The following SAXO1 variants were observed in gnomAD, a reference collection of about 807,000 sequenced individuals.
SAXO1 encodes 4930500O09Rik.
A neutral mutation model predicts 17.5 loss-of-function variants in SAXO1; 21 were observed. The observed-to-expected ratio is 1.20, with a 90% CI of 0.85 to 1.72. SAXO1 has a LOEUF of 1.72. Ranked by LOEUF, SAXO1 falls within the 40% of genes most tolerant of loss-of-function variation. SAXO1 has a pLI of 0.00. For missense variants in SAXO1, 843 were observed against 596.0 expected (o/e 1.41, Z -4.32); for synonymous variants, 274 against 216.5 (o/e 1.27, Z -2.33).
intron 1 of SAXO1, among the ~76,000 whole-genome samples, chr9:18,956,448 A>T (rs1484171993): frequency 1.3e-5 from 2 of 152,138 alleles, no homozygotes; most frequent in African/African-American, 4.8e-5. Context: ...TAGGATACTT[A>T]TGACTTGTCT....
chr9:19,002,691 C>T (rs1284624956), intron 1 of SAXO1, among the ~76,000 whole-genome samples: 2 of 152,168 alleles, frequency 1.3e-5, no homozygotes, highest in Non-Finnish European at 2.9e-5. Context: ...TAAAATTCAA[C>T]ACCCCTTCAT....
chr9:18,946,820 A>C (rs1224532707), intron 2 of SAXO1, among the ~76,000 whole-genome samples: 1 of 152,216 alleles, frequency 6.6e-6, no homozygotes, highest in African/African-American at 2.4e-5. Flanking sequence ...ATATAAAACA[A>C]GAATCAAATG....
Position 18,928,420 on chromosome 9 carries a change from C to T in SAXO1, c.1057G>A (p.Glu353Lys). ...DYKQWSSMRT[E>K]PVKPVPQLDL... The stretch of plus-strand genomic sequence containing the variant: ...AGCTGGGGAACGGGCTTGACTGGCT[C>T]TGTGCGCATGCTGGACCACTGCTTG... The change falls in exon 4 of 4, where the codon GAG (glutamate) becomes AAG (lysine). Residue 353 changes from glutamate (E) to lysine (K), a missense_variant. Glu to Lys is a moderately conservative substitution (Grantham distance 56). Transcript: ENST00000380534. 2 of 1,608,914 alleles carry T rather than the reference C, an allele frequency of 1.2e-6. No individual in the cohort carries two copies. Among genetic ancestry groups the T allele is most frequent in the Non-Finnish European group, 1.7e-6 (2 of 1,177,020 alleles).
At chr9:18,931,920 G>A (rs966984419) in intron 3 of SAXO1, among the ~76,000 whole-genome samples, 1 of 152,022 alleles carries the variant, frequency 6.6e-6, no homozygotes, top group East Asian at 1.9e-4. Context: ...TCTTACACCA[G>A]GTATGTGATT....
chr9:18,970,588 T>C (rs7859079), intron 1 of SAXO1, among the ~76,000 whole-genome samples: 5,488 of 152,218 alleles, frequency 0.036, 331 homozygotes, highest in African/African-American at 0.12. Flanking sequence ...CCCAAATCTA[T>C]CTACACGCAT....
At chr9:19,003,511 AACCAAAACAGCATGGTACTTGT>A (rs1296833049) in intron 1 of SAXO1, among the ~76,000 whole-genome samples, 11 of 152,240 alleles carry the variant, frequency 7.2e-5, no homozygotes, top group Non-Finnish European at 1.6e-4. Flanking sequence ...AGGCTACAAT[AACCAAAACAGCATGGTACTTGT>A]ACCAAAACAG....
At chr9:18,991,153 G>C (rs1006038009) in intron 1 of SAXO1, among the ~76,000 whole-genome samples, 3 of 152,114 alleles carry the variant, frequency 2.0e-5, no homozygotes, top group Non-Finnish European at 4.4e-5. Context: ...AGCTGCTCGA[G>C]AGGCTGAGCC....
chr9:19,032,767 C>T (rs62560458), intron 1 of SAXO1, 104 bp downstream of exon 1: 4 of 1,296,516 alleles, frequency 3.1e-6, no homozygotes, highest in Non-Finnish European at 4.3e-6. Context: ...AGTGGACGAA[C>T]CCACCGTGAT....
chr9:18,968,622 T>C (rs1296007912), intron 1 of SAXO1, among the ~76,000 whole-genome samples: 1 of 150,082 alleles, frequency 6.7e-6, no homozygotes, highest in African/African-American at 2.5e-5. Context: ...AGACGCAGTT[T>C]CACTCTTGTT....
chr9:19,022,720 G>A (rs538117669), intron 1 of SAXO1, among the ~76,000 whole-genome samples: 172 of 152,242 alleles, frequency 1.1e-3, no homozygotes, highest in South Asian at 1.7e-3. Context: ...AGAATGAAGG[G>A]CTTTTGGATA....
chr9:18,962,591 C>A (rs919324493), intron 1 of SAXO1, among the ~76,000 whole-genome samples: 2 of 152,132 alleles, frequency 1.3e-5, no homozygotes, highest in Admixed American at 1.3e-4. Flanking sequence ...CCTGTTCACT[C>A]TGATGATAGT....
intron 3 of SAXO1, among the ~76,000 whole-genome samples, chr9:18,939,954 A>T (rs982087681): frequency 6.6e-6 from 1 of 152,178 alleles, no homozygotes. Flanking sequence ...AAGACTGGAG[A>T]TATGCTCAGG....
intron 1 of SAXO1, chr9:19,028,134 G>C (rs772366279): frequency 3.1e-6 from 5 of 1,591,856 alleles, no homozygotes; most frequent in Non-Finnish European, 4.3e-6. Flanking sequence ...ACTACGCCTA[G>C]GGCACGGCAG....
chr9:18,934,416 C>A (rs541432135), intron 3 of SAXO1, among the ~76,000 whole-genome samples: 1 of 152,082 alleles, frequency 6.6e-6, no homozygotes, highest in Non-Finnish European at 1.5e-5. Context: ...CACATTTTTG[C>A]TGATTCTTAT....
chr9:18,960,762 C>T (rs1410789001), intron 1 of SAXO1, among the ~76,000 whole-genome samples: 6 of 151,486 alleles, frequency 4.0e-5, no homozygotes, highest in Non-Finnish European at 7.4e-5. Context: ...GCCAGGACAA[C>T]AGAGCAAGAC....
At chr9:19,026,790 G>A (rs906402053) in intron 1 of SAXO1, 1 of 478,506 alleles carries the variant, frequency 2.1e-6, no homozygotes. Context: ...GAGCACTTTG[G>A]GAGGCTGAGG....
chr9:18,939,254 G>A (rs1261436378), intron 3 of SAXO1, among the ~76,000 whole-genome samples: 1 of 152,142 alleles, frequency 6.6e-6, no homozygotes, highest in Non-Finnish European at 1.5e-5. Flanking sequence ...TGTAAACACT[G>A]GATTAAAAAG....
chr9:19,037,482 CTGTTCT>C (rs1192962096), upstream of SAXO1, among the ~76,000 whole-genome samples: 1 of 152,172 alleles, frequency 6.6e-6, no homozygotes, highest in Non-Finnish European at 1.5e-5. Flanking sequence ...TTACCCCATA[CTGTTCT>C]CATGGTAGTA....
At chr9:18,970,823 T>C (rs1446176203) in intron 1 of SAXO1, among the ~76,000 whole-genome samples, 1 of 152,212 alleles carries the variant, frequency 6.6e-6, no homozygotes, top group Non-Finnish European at 1.5e-5. Flanking sequence ...GCCTTCTGAA[T>C]TACTGTTGCT....
Sources: gnomAD v4.1 joint callset for allele counts (sites outside exome capture counted in the v4.1 genomes callset) on GRCh38, gnomAD v4.1.1 for gene constraint, MANE v1.5 for transcripts, NCBI Gene and HGNC (gene_info 2026-07-23, HGNC 2026-07-21) for gene names.